Variants in DHRSX observed in about 807,000 individuals in gnomAD.
DHRSX encodes polyprenol dehydrogenase.
A neutral mutation model predicts 34.0 loss-of-function variants in DHRSX; 31 were observed. The ratio of observed to expected loss-of-function variants is 0.91; its 90% confidence interval spans 0.69 to 1.23. DHRSX has a LOEUF of 1.23. Among genes scored for constraint, DHRSX ranks in the 50% most tolerant of loss-of-function variants. DHRSX has a pLI of 0.00. For missense variants in DHRSX, 414 were observed against 428.1 expected (o/e 0.97, Z 0.29); for synonymous variants, 201 against 183.8 (o/e 1.09, Z -0.76).
At chrX:2,229,625 T>C (rs1433120522) in intron 6 of DHRSX, among the ~76,000 whole-genome samples, 4 of 151,888 alleles carry the variant, frequency 2.6e-5, no homozygotes, top group Non-Finnish European at 5.9e-5. Context: ...TACTTGTGGG[T>C]AGATGTGTAT....
intron 3 of DHRSX, among the ~76,000 whole-genome samples, chrX:2,295,007 G>A (rs2041915601): frequency 6.6e-6 from 1 of 152,162 alleles, no homozygotes; most frequent in African/African-American, 2.4e-5. Flanking sequence ...CATTGTGGAA[G>A]ACAGTGTGGC....
At chrX:2,240,693 C>T (rs1382447605) in intron 6 of DHRSX, among the ~76,000 whole-genome samples, 1 of 152,126 alleles carries the variant, frequency 6.6e-6, no homozygotes, top group African/African-American at 2.4e-5. Flanking sequence ...GAAGGTGAAT[C>T]GTGGCGGTGT....
intron 1 of DHRSX, chrX:2,490,361 C>T (rs1425765821): frequency 6.2e-7 from 1 of 1,613,484 alleles, no homozygotes; most frequent in Non-Finnish European, 8.5e-7. Flanking sequence ...CTGCTTCTTG[C>T]TGTCGTAGCC....
chrX:2,499,331 C>A (rs775321039), intron 1 of DHRSX, among the ~76,000 whole-genome samples: 1 of 152,210 alleles, frequency 6.6e-6, no homozygotes, highest in South Asian at 2.1e-4. Flanking sequence ...GCAACGTACA[C>A]CCCCACCCCC....
chrX:2,341,961 C>G (rs1569491274), intron 3 of DHRSX, among the ~76,000 whole-genome samples: 1 of 152,100 alleles, frequency 6.6e-6, no homozygotes, highest in Non-Finnish European at 1.5e-5. Flanking sequence ...CCCGCTACCA[C>G]TCCCGGCTAA....
At chrX:2,410,557 C>T (rs146260178) in intron 2 of DHRSX, among the ~76,000 whole-genome samples, 31 of 152,274 alleles carry the variant, frequency 2.0e-4, no homozygotes, top group Admixed American at 5.9e-4. Flanking sequence ...TGAGTCAACA[C>T]GGCGTATTGA....
At position 2,246,010 on chromosome X, in the gene DHRSX, T is replaced by C. The variant is rs1304240671; in HGVS notation, c.597-2780A>G. 8.1e-5 allele frequency among the ~76,000 whole-genome samples: 12 copies of C among 147,480 alleles called. No homozygotes were observed. The East Asian group carries it at 1.4e-3, about 17-fold the overall frequency. ...ACACACAAACAAAAAAAAAACAAGC[T>C]GTGACCTGACCACGTTGCACACGTC... is the stretch of plus-strand genomic sequence containing the variant. On this transcript the variant is annotated intron_variant, in intron 5 of 6. Coordinates refer to ENST00000334651, the MANE Select transcript of DHRSX (RefSeq NM_145177.3).
At chrX:2,294,281 T>C (rs2041903451) in intron 3 of DHRSX, among the ~76,000 whole-genome samples, 1 of 152,042 alleles carries the variant, frequency 6.6e-6, no homozygotes, top group Admixed American at 6.6e-5. Context: ...CGATGGCTCA[T>C]GCCTGTAATC....
chrX:2,486,983 A>T lies in DHRSX; in HGVS notation c.109+13834T>A, dbSNP rs1407965730. ...ACACTGCCTGGAGCTGAGTGGGGTC[A>T]TCCCTCCTAGACACCGTTCTCCCCA... On this transcript the variant is annotated intron_variant, in intron 1 of 6. Transcript: ENST00000334651. The T allele has an allele frequency of 2.0e-5, 3 of 152,188 alleles. No homozygotes were observed. The East Asian group carries it at 5.8e-4, about 29-fold the overall frequency. 9.4% of individuals were successfully genotyped at this position (152,188 alleles called of 1,614,324 possible).
chrX:2,382,129 C>G (rs2043210256), intron 3 of DHRSX, among the ~76,000 whole-genome samples: 2 of 152,176 alleles, frequency 1.3e-5, no homozygotes, highest in Non-Finnish European at 2.9e-5. Flanking sequence ...AAATGCAACA[C>G]CTACTCTCTG....
intron 1 of DHRSX, among the ~76,000 whole-genome samples, chrX:2,470,982 T>C (rs1325151981): frequency 6.6e-6 from 1 of 151,336 alleles, no homozygotes; most frequent in African/African-American, 2.5e-5. Flanking sequence ...AATATGTTAG[T>C]TAATGTGATT....
intron 5 of DHRSX, among the ~76,000 whole-genome samples, chrX:2,265,017 C>A (rs1193589232): frequency 5.3e-5 from 8 of 151,134 alleles, no homozygotes; most frequent in African/African-American, 1.9e-4. Context: ...ACGCAGGGAG[C>A]ACTGTCCCCA....
At chrX:2,253,543 T>G (rs1169318519) in intron 5 of DHRSX, among the ~76,000 whole-genome samples, 8 of 152,188 alleles carry the variant, frequency 5.3e-5, no homozygotes, top group Non-Finnish European at 1.2e-4. Context: ...TCAGCAAAGA[T>G]GGCGCCACTG....
At chrX:2,342,397 C>T (rs1381554126) in intron 3 of DHRSX, among the ~76,000 whole-genome samples, 4 of 152,052 alleles carry the variant, frequency 2.6e-5, no homozygotes, top group Non-Finnish European at 4.4e-5. Flanking sequence ...TGATACCTCA[C>T]GGATTGTCCC....
At chrX:2,253,067 T>C (rs2016468886) in intron 5 of DHRSX, among the ~76,000 whole-genome samples, 1 of 152,240 alleles carries the variant, frequency 6.6e-6, no homozygotes, top group African/African-American at 2.4e-5. Context: ...ACACCTGTAG[T>C]CCCAGCTAAT....
chrX:2,304,006 T>C (rs896773017), intron 3 of DHRSX, among the ~76,000 whole-genome samples: 3 of 142,880 alleles, frequency 2.1e-5, no homozygotes, highest in Admixed American at 7.0e-5. Flanking sequence ...AATTGATGGA[T>C]GGACGGATGG....
At chrX:2,248,755 G>A (rs1382112270) in intron 5 of DHRSX, among the ~76,000 whole-genome samples, 3 of 151,896 alleles carry the variant, frequency 2.0e-5, no homozygotes, top group East Asian at 1.9e-4. Context: ...GAAGGAAGGC[G>A]CACTGCTCAG....
intron 3 of DHRSX, among the ~76,000 whole-genome samples, chrX:2,301,995 G>A (rs2042016817): frequency 6.6e-6 from 1 of 152,142 alleles, no homozygotes; most frequent in Non-Finnish European, 1.5e-5. Context: ...CCCCAGAACA[G>A]AGGTGGACAT....
intron 4 of DHRSX, among the ~76,000 whole-genome samples, chrX:2,275,666 A>G (rs1158201960): frequency 6.6e-6 from 1 of 151,774 alleles, no homozygotes; most frequent in East Asian, 2.0e-4. Flanking sequence ...TAAGGTAACT[A>G]CAATTCCAAT....
Sources: allele counts gnomAD v4.1 joint callset (sites outside exome capture counted in the v4.1 genomes callset), GRCh38; gene constraint gnomAD v4.1.1; transcripts MANE v1.5; gene names NCBI Gene and HGNC (gene_info 2026-07-23, HGNC 2026-07-21).